The following RPS6KC1 variants were observed in gnomAD, a reference collection of about 807,000 sequenced individuals.
RPS6KC1 encodes the protein inactive ribosomal protein S6 kinase delta-1.
Under a neutral mutation model 103.8 loss-of-function variants are expected in RPS6KC1, and 54 were observed. The ratio of observed to expected loss-of-function variants is 0.52; its 90% CI spans 0.42 to 0.65. The LOEUF (loss-of-function observed/expected upper bound fraction) is 0.65, where lower values mean the gene tolerates loss of function less well. Ranked by LOEUF, RPS6KC1 falls within the 30% of genes least tolerant of loss-of-function variation. The probability of loss-of-function intolerance (pLI) is 0.00; values close to 1 mark genes in which losing one functional copy is unlikely to be tolerated. For synonymous variants in RPS6KC1, 439 were observed against 438.7 expected (o/e 1.00, Z -0.01); for missense variants, 1,151 against 1,253.8 (o/e 0.92, Z 1.24).
chr1:213,230,915 T>G (rs1015839491), intron 9 of RPS6KC1, among the ~76,000 whole-genome samples: 2 of 151,892 alleles, frequency 1.3e-5, no homozygotes, highest in Non-Finnish European at 2.9e-5. Flanking sequence ...ATTATGCTTC[T>G]GAAAGAAAAG....
the RPS6KC1 span, among the ~76,000 whole-genome samples, chr1:213,578,784 C>T: frequency 1.1e-4 from 17 of 152,162 alleles, no homozygotes; most frequent in Admixed American, 6.5e-4. Context: ...TACAGGCTCA[C>T]GGGCAGAAGA....
At chr1:213,754,803 T>C in the RPS6KC1 span, among the ~76,000 whole-genome samples, 3 of 152,144 alleles carry the variant, frequency 2.0e-5, no homozygotes, top group Admixed American at 6.5e-5. Flanking sequence ...TACTATCCCA[T>C]TGGGCATCAG....
the RPS6KC1 span, among the ~76,000 whole-genome samples, chr1:213,833,938 G>C: frequency 2.6e-5 from 4 of 152,190 alleles, no homozygotes; most frequent in Non-Finnish European, 2.9e-5. Context: ...ATTTGCTTCT[G>C]AAGTTAGAAG....
chr1:213,713,706 T>C, the RPS6KC1 span, among the ~76,000 whole-genome samples: 1 of 152,150 alleles, frequency 6.6e-6, no homozygotes, highest in African/African-American at 2.4e-5. Context: ...TTCTTGAAAA[T>C]GTATGTTTTA....
the RPS6KC1 span, among the ~76,000 whole-genome samples, chr1:213,487,369 C>T: frequency 3.3e-5 from 5 of 152,080 alleles, no homozygotes; most frequent in Non-Finnish European, 7.4e-5. Flanking sequence ...GCACTCCAGC[C>T]TGGGTGACAA....
the RPS6KC1 span, among the ~76,000 whole-genome samples, chr1:213,526,573 G>T: frequency 6.6e-6 from 1 of 152,150 alleles, no homozygotes; most frequent in East Asian, 1.9e-4. Flanking sequence ...TGTGCTCAAA[G>T]AATAAAATCT....
intron 13 of RPS6KC1, 73 bp downstream of exon 13, chr1:213,261,713 T>C: frequency 1.5e-6 from 2 of 1,299,096 alleles, no homozygotes; most frequent in Non-Finnish European, 1.1e-6. Flanking sequence ...ACATTAGCCT[T>C]CACCCTTAGT....
the RPS6KC1 span, among the ~76,000 whole-genome samples, chr1:213,363,646 C>CTTTT: frequency 1.5e-5 from 1 of 68,142 alleles, no homozygotes; most frequent in South Asian, 4.4e-4. Flanking sequence ...TTCTTTCTTT[C>CTTTT]TTTCTTTCTT....
At chr1:213,465,927 C>T in the RPS6KC1 span, among the ~76,000 whole-genome samples, 208 of 152,206 alleles carry the variant, frequency 1.4e-3, 1 homozygote, top group African/African-American at 4.8e-3. Flanking sequence ...ATACCGAGGT[C>T]GTGCCTTAGA....
At chr1:213,106,064 A>G (rs1344692129) in intron 4 of RPS6KC1, among the ~76,000 whole-genome samples, 1 of 152,154 alleles carries the variant, frequency 6.6e-6, no homozygotes, top group Non-Finnish European at 1.5e-5. Flanking sequence ...AGTCACTGGG[A>G]AATGAGACTG....
At chr1:213,528,183 A>G in the RPS6KC1 span, among the ~76,000 whole-genome samples, 1 of 152,170 alleles carries the variant, frequency 6.6e-6, no homozygotes, top group Non-Finnish European at 1.5e-5. Flanking sequence ...GAAGAGGTTT[A>G]ATTGACTCAC....
At chr1:213,629,359 A>T in the RPS6KC1 span, among the ~76,000 whole-genome samples, 1 of 151,316 alleles carries the variant, frequency 6.6e-6, no homozygotes. Context: ...GTCTCTTTTG[A>T]TCTTTGTTGG....
At chr1:213,598,907 CTA>C in the RPS6KC1 span, among the ~76,000 whole-genome samples, 1 of 152,102 alleles carries the variant, frequency 6.6e-6, no homozygotes, top group Non-Finnish European at 1.5e-5. Flanking sequence ...GCGACAGAGA[CTA>C]TGTCTCAAAC....
the RPS6KC1 span, among the ~76,000 whole-genome samples, chr1:213,645,869 C>T: frequency 6.6e-6 from 1 of 152,168 alleles, no homozygotes; most frequent in African/African-American, 2.4e-5. Flanking sequence ...TTCTGGTTCA[C>T]ACCTCCCATG....
At chr1:213,618,441 T>A in the RPS6KC1 span, among the ~76,000 whole-genome samples, 3 of 152,214 alleles carry the variant, frequency 2.0e-5, no homozygotes, top group African/African-American at 7.2e-5. Context: ...CTTCATTACT[T>A]ACTGACCCTG....
chr1:213,609,096 C>T, the RPS6KC1 span, among the ~76,000 whole-genome samples: 157 of 152,286 alleles, frequency 1.0e-3, no homozygotes, highest in Non-Finnish European at 1.7e-3. Context: ...TTAAAATCAT[C>T]CTTAATTCTA....
chr1:213,346,128 T>G, the RPS6KC1 span, among the ~76,000 whole-genome samples: 12 of 152,230 alleles, frequency 7.9e-5, no homozygotes, highest in African/African-American at 2.9e-4. Flanking sequence ...TTTCAGACTT[T>G]ATTCCAATTT....
At chr1:213,440,593 TAAAAAAAAAA>T in the RPS6KC1 span, among the ~76,000 whole-genome samples, 4 of 100,384 alleles carry the variant, frequency 4.0e-5, no homozygotes, top group East Asian at 6.3e-4. Flanking sequence ...TTAATGGAAC[TAAAAAAAAAA>T]AAAAAAAAAA....
the RPS6KC1 span, among the ~76,000 whole-genome samples, chr1:213,828,276 A>G: frequency 6.6e-6 from 1 of 152,108 alleles, no homozygotes; most frequent in African/African-American, 2.4e-5. Flanking sequence ...ATGCAACCCA[A>G]AGATGTCCCT....
Sources: allele counts gnomAD v4.1 joint callset (sites outside exome capture counted in the v4.1 genomes callset), GRCh38; gene constraint gnomAD v4.1.1; transcripts MANE v1.5; gene names NCBI Gene and HGNC (gene_info 2026-07-23, HGNC 2026-07-21).